Variants in TENM1 observed in about 807,000 individuals in gnomAD.
The protein encoded by TENM1 is teneurin-1.
In TENM1, 35 loss-of-function variants were observed where a neutral mutation model predicts 174.8. The ratio of observed to expected loss-of-function variants is 0.20; its 90% CI spans 0.15 to 0.27. The LOEUF (loss-of-function observed/expected upper bound fraction) is 0.27. Among genes scored for constraint, TENM1 ranks in the 10% least tolerant of loss-of-function variants. The pLI is 1.00. For missense variants in TENM1, 1,633 were observed against 2,130.1 expected (o/e 0.77, Z 4.59); for synonymous variants, 781 against 798.7 (o/e 0.98, Z 0.37).
chrX:124,455,807 G>A (rs2061098413), intron 22 of TENM1, among the ~76,000 whole-genome samples: 1 of 111,542 alleles, frequency 9.0e-6, no homozygotes, highest in Non-Finnish European at 1.9e-5. Context: ...TTGCTCTTAT[G>A]AGGAGGTAGT....
intron 10 of TENM1, among the ~76,000 whole-genome samples, chrX:124,643,531 T>C (rs182273747): frequency 8.5e-4 from 95 of 111,647 alleles, no homozygotes; most frequent in African/African-American, 2.8e-3. Flanking sequence ...GGAATTCTCA[T>C]GTGGCAGTTC....
At chrX:124,893,024 A>G (rs2057501188) in intron 3 of TENM1, among the ~76,000 whole-genome samples, 1 of 112,145 alleles carries the variant, frequency 8.9e-6, no homozygotes, top group Admixed American at 9.5e-5. Context: ...TCAAATTAAC[A>G]TGCTTTTGGA....
At chrX:124,939,365 C>CA (rs1398821401) in intron 1 of TENM1, among the ~76,000 whole-genome samples, 2 of 111,554 alleles carry the variant, frequency 1.8e-5, no homozygotes, top group African/African-American at 6.5e-5. Context: ...ACTAGTCTTT[C>CA]AACAGCATTA....
intron 3 of TENM1, among the ~76,000 whole-genome samples, chrX:124,829,373 T>G (rs1318280192): frequency 8.9e-6 from 1 of 112,384 alleles, no homozygotes; most frequent in Admixed American, 9.4e-5. Context: ...GTAAGGCATT[T>G]GACTACTTAA....
In TENM1 at chrX:124,393,184, G is replaced by A. The variant is rs191162065; in HGVS notation, c.5392-836C>T. 4.4e-4 allele frequency among the ~76,000 whole-genome samples: 49 copies of A among 110,395 alleles called. 1 individual carries two copies. The highest frequency in any genetic ancestry group is 4.3e-3 in the Admixed American group (44 of 10,335). ...ATTCCATGAAAGACAGTATTCAACG[G>A]TGCCTGACTGATAAAATTCATCTGG... On this transcript the variant is annotated intron_variant, in intron 27 of 31. Transcript: ENST00000422452.
At chrX:124,731,176 A>T (rs1037515480) in intron 4 of TENM1, among the ~76,000 whole-genome samples, 31 of 111,626 alleles carry the variant, frequency 2.8e-4, no homozygotes, top group African/African-American at 9.8e-4. Context: ...GCTAAAGATG[A>T]CAGAAAAGTG....
intron 23 of TENM1, among the ~76,000 whole-genome samples, chrX:124,423,461 T>G (rs982332676): frequency 9.0e-6 from 1 of 111,439 alleles, no homozygotes; most frequent in Admixed American, 9.6e-5. Context: ...CCTCAAATGA[T>G]TTGTGGTATA....
intron 15 of TENM1, among the ~76,000 whole-genome samples, chrX:124,540,236 T>A (rs998316330): frequency 8.9e-6 from 1 of 112,280 alleles, no homozygotes; most frequent in Non-Finnish European, 1.9e-5. Context: ...GAGTACTCAA[T>A]AAATGTTGTT....
chrX:124,556,196 C>A (rs1393086992), intron 14 of TENM1, among the ~76,000 whole-genome samples: 1 of 110,270 alleles, frequency 9.1e-6, no homozygotes, highest in Non-Finnish European at 1.9e-5. Context: ...GTTATCCCAG[C>A]ACTTTGGGAG....
At chrX:125,025,200 A>T in the TENM1 span, among the ~76,000 whole-genome samples, 1 of 111,307 alleles carries the variant, frequency 9.0e-6, no homozygotes, top group Non-Finnish European at 1.9e-5. Context: ...TATTGCATAA[A>T]GAGGGTGTGT....
chrX:124,692,176 C>T (rs1163645652), intron 5 of TENM1, among the ~76,000 whole-genome samples: 1 of 111,448 alleles, frequency 9.0e-6, no homozygotes, highest in Non-Finnish European at 1.9e-5. Flanking sequence ...AAGTTCAATA[C>T]ATAGCCATGG....
At chrX:124,865,218 G>A (rs1271963988) in intron 3 of TENM1, among the ~76,000 whole-genome samples, 4 of 111,275 alleles carry the variant, frequency 3.6e-5, no homozygotes, top group Admixed American at 9.5e-5. Flanking sequence ...ACAAAATATC[G>A]TAACACTGTA....
At chrX:124,652,003 A>G (rs1602913524) in exon 8 of TENM1, 1 of 1,211,692 alleles carries the variant, frequency 8.3e-7, no homozygotes, top group Non-Finnish European at 1.1e-6. Flanking sequence ...CATATACTCT[A>G]TGAAACCTGT....
Position 124,536,878 on chromosome X carries a change from G to C in TENM1, c.2652-6895C>G, listed in dbSNP as rs187406320. Among the ~76,000 whole-genome samples the C allele has an allele frequency of 9.0e-4, 100 of 111,726 alleles. 1 individual carries two copies. Among genetic ancestry groups the C allele is most frequent in the African/African-American group, 2.4e-3 (75 of 30,814 alleles). On this transcript the variant is annotated intron_variant, in intron 15 of 31. Transcript: ENST00000422452. ...CTCAAATGTTTTCTCTTTGCAATCA[G>C]CCTTATAGGGTTTTGTTAACCTCAT... is the stretch of plus-strand genomic sequence containing the variant.
exon 18 of TENM1, chrX:124,520,556 T>G (rs763712252): frequency 4.1e-6 from 5 of 1,210,716 alleles, no homozygotes; most frequent in Non-Finnish European, 5.6e-6. Flanking sequence ...TGTCCATAGA[T>G]GTCGGTCTTG....
chrX:124,787,002 G>A (rs1000910163), intron 3 of TENM1, among the ~76,000 whole-genome samples: 3 of 111,552 alleles, frequency 2.7e-5, no homozygotes, highest in Admixed American at 9.5e-5. Context: ...TAACAGTTCT[G>A]TACTCACGGG....
intron 20 of TENM1, among the ~76,000 whole-genome samples, chrX:124,494,487 C>T (rs1040471580): frequency 3.0e-5 from 3 of 98,726 alleles, no homozygotes; most frequent in Admixed American, 1.0e-4. Flanking sequence ...GTTGAAGCTT[C>T]CCTTTTCTTT....
chrX:125,064,532 G>A, the TENM1 span, among the ~76,000 whole-genome samples: 1 of 111,530 alleles, frequency 9.0e-6, no homozygotes, highest in African/African-American at 3.3e-5. Flanking sequence ...TTTAAGAGGG[G>A]ATAAGATGAT....
intron 1 of TENM1, among the ~76,000 whole-genome samples, chrX:124,928,951 C>CT (rs914655271): frequency 2.1e-4 from 23 of 111,927 alleles, no homozygotes; most frequent in African/African-American, 6.5e-4. Flanking sequence ...CCCGACCTAA[C>CT]TTATTTTCTA....
Sources: allele counts gnomAD v4.1 joint callset (sites outside exome capture counted in the v4.1 genomes callset), GRCh38; gene constraint gnomAD v4.1.1; transcripts MANE v1.5; gene names NCBI Gene and HGNC (gene_info 2026-07-23, HGNC 2026-07-21).